Variants in RABGAP1 observed in about 807,000 individuals in gnomAD.
RABGAP1 encodes the protein rab GTPase-activating protein 1.
In RABGAP1, 23 loss-of-function variants were observed where a neutral mutation model predicts 137.6. That is an observed-to-expected ratio of 0.17 (90% confidence interval 0.12 to 0.24). The LOEUF (loss-of-function observed/expected upper bound fraction) is 0.24, where lower values mean the gene tolerates loss of function less well. RABGAP1 is among the 10% of genes least tolerant of loss of function. RABGAP1 has a pLI of 1.00. For synonymous variants in RABGAP1, 451 were observed against 450.7 expected (o/e 1.00, Z -0.01); for missense variants, 906 against 1,275.8 (o/e 0.71, Z 4.42).
intron 10 of RABGAP1, among the ~76,000 whole-genome samples, chr9:122,999,621 A>G (rs1837219022): frequency 1.3e-5 from 2 of 152,000 alleles, no homozygotes; most frequent in South Asian, 2.1e-4. Flanking sequence ...TAACTGTGAC[A>G]TGATTAGGTA....
At chr9:123,018,070 T>G (rs932011063) in intron 12 of RABGAP1, among the ~76,000 whole-genome samples, 24 of 152,192 alleles carry the variant, frequency 1.6e-4, no homozygotes. Flanking sequence ...CTCGGCTCAC[T>G]GCAGGCTCTG....
chr9:123,026,005 C>CTTTTTTTTTTTTTTTTTTTTTTTTTTTT (rs59188440), intron 13 of RABGAP1, among the ~76,000 whole-genome samples: 1 of 117,200 alleles, frequency 8.5e-6, no homozygotes, highest in African/African-American at 3.0e-5. Flanking sequence ...AAAACATATT[C>CTTTTTTTTTTTTTTTTTTTTTTTTTTTT]TTTTTTTTTT....
intron 19 of RABGAP1, among the ~76,000 whole-genome samples, chr9:123,089,364 G>A (rs1394296300): frequency 6.6e-6 from 1 of 152,162 alleles, no homozygotes; most frequent in Non-Finnish European, 1.5e-5. Flanking sequence ...AGATGAGGAT[G>A]AGAATAGCAC....
chr9:122,993,434 G>T (rs1185102893), intron 6 of RABGAP1, among the ~76,000 whole-genome samples: 3 of 152,062 alleles, frequency 2.0e-5, no homozygotes, highest in African/African-American at 7.2e-5. Flanking sequence ...GCCACGCCTG[G>T]CTACTTTTTG....
intron 13 of RABGAP1, among the ~76,000 whole-genome samples, chr9:123,059,307 C>T (rs1196018135): frequency 2.0e-5 from 3 of 152,122 alleles, no homozygotes; most frequent in African/African-American, 7.2e-5. Flanking sequence ...GTAATCCCAG[C>T]ACTTTGGGAG....
rs201202332 is a variant in RABGAP1, at chr9:123,015,200, CAT to C, written c.1550-338_1550-337del. Among the ~76,000 whole-genome samples, 443 of 150,870 alleles carry C rather than the reference CAT, an allele frequency of 2.9e-3. 2 individuals carry two copies. Among genetic ancestry groups the C allele is most frequent in the African/African-American group, 0.01 (419 of 41,108 alleles). On this transcript the variant is annotated intron_variant, in intron 11 of 25. Coordinates refer to ENST00000373647, the MANE Select transcript of RABGAP1 (RefSeq NM_012197.4). ...AATTTTTTAAGTGTTTTAAATAAGACATATATTTTCATGCATAAAGCTGTTTG... is the reference window on the plus strand; with the variant it reads ...AATTTTTTAAGTGTTTTAAATAAGACATATTTTCATGCATAAAGCTGTTTG...
At chr9:123,083,003 A>T (rs1290156419) in intron 19 of RABGAP1, among the ~76,000 whole-genome samples, 2 of 152,248 alleles carry the variant, frequency 1.3e-5, no homozygotes, top group Non-Finnish European at 2.9e-5. Context: ...ATGGATTCGC[A>T]GAATCATACA....
At chr9:122,972,354 T>C (rs1354846079) in intron 2 of RABGAP1, among the ~76,000 whole-genome samples, 1 of 152,220 alleles carries the variant, frequency 6.6e-6, no homozygotes, top group Non-Finnish European at 1.5e-5. Flanking sequence ...ATTTTGTGGA[T>C]TGACTGGTTG....
At chr9:122,936,740 T>C (rs574588260), upstream of RABGAP1, among the ~76,000 whole-genome samples, 1 of 152,344 alleles carries the variant, frequency 6.6e-6, no homozygotes, top group South Asian at 2.1e-4. Flanking sequence ...TTTAAAAGAA[T>C]AGCACCTGTT....
At chr9:123,068,435 C>G (rs1481772269) in intron 14 of RABGAP1, among the ~76,000 whole-genome samples, 1 of 151,884 alleles carries the variant, frequency 6.6e-6, no homozygotes, top group Non-Finnish European at 1.5e-5. Context: ...TCTAAAGCCT[C>G]TGTTCTTTTG....
At chr9:122,978,509 C>T (rs542113893) in intron 2 of RABGAP1, among the ~76,000 whole-genome samples, 1 of 152,194 alleles carries the variant, frequency 6.6e-6, no homozygotes, top group East Asian at 1.9e-4. Context: ...GTGGCTCATT[C>T]CTGTAATCTC....
rs184298716 is a variant in RABGAP1 at position 123,000,706 on chromosome 9, G to A, written c.1374+1940G>A. Among the ~76,000 whole-genome samples the A allele has an allele frequency of 2.4e-3, 358 of 151,890 alleles. 4 individuals carry two copies. Among genetic ancestry groups the A allele is most frequent in the Non-Finnish European group, 3.8e-3 (257 of 67,976 alleles). On this transcript the variant is annotated intron_variant, in intron 10 of 25. Transcript: ENST00000373647. The stretch of plus-strand genomic sequence containing the variant: ...TTTTCTTTTTTAAAATATAGATGGG[G>A]ATTTGCCATGTTGTCCAGGCTGGTC...
At chr9:122,933,863 C>A in the RABGAP1 span, among the ~76,000 whole-genome samples, 3 of 151,894 alleles carry the variant, frequency 2.0e-5, no homozygotes, top group African/African-American at 7.3e-5. Context: ...GACCTCCCAC[C>A]TCGGCCTCCC....
intron 13 of RABGAP1, among the ~76,000 whole-genome samples, chr9:123,021,495 A>T (rs670466): frequency 0.98 from 148,714 of 152,206 alleles, 72,754 homozygotes; most frequent in East Asian, 1. Flanking sequence ...AATTTTTGTA[A>T]TTTTAGTAGA....
chr9:122,932,555 G>C, the RABGAP1 span, among the ~76,000 whole-genome samples: 1 of 151,050 alleles, frequency 6.6e-6, no homozygotes, highest in African/African-American at 2.4e-5. Context: ...TTGAGATGGA[G>C]TTTCGCTCTT....
chr9:122,957,344 T>A, intron 2 of RABGAP1, 135 bp downstream of exon 2: 1 of 691,026 alleles, frequency 1.4e-6, no homozygotes, highest in Non-Finnish European at 2.1e-6. Context: ...TAAAGAATTT[T>A]ATTTGCACTT....
chr9:123,088,708 A>G (rs755557470), intron 19 of RABGAP1, among the ~76,000 whole-genome samples: 5 of 152,180 alleles, frequency 3.3e-5, no homozygotes, highest in Non-Finnish European at 5.9e-5. Flanking sequence ...AGCCAGTTGC[A>G]TCTTGAAGGT....
intron 13 of RABGAP1, chr9:123,035,143 C>T: frequency 6.2e-7 from 1 of 1,613,886 alleles, no homozygotes; most frequent in Non-Finnish European, 8.5e-7. Context: ...CTACTTCACC[C>T]TGTTCATCGT....
At chr9:123,076,335 C>T (rs2034509168) in intron 18 of RABGAP1, 49 bp downstream of exon 18, 1 of 1,554,666 alleles carries the variant, frequency 6.4e-7, no homozygotes, top group African/African-American at 1.4e-5. Context: ...CTGCTCTGCA[C>T]TTGCAATACA....
Sources: allele counts gnomAD v4.1 joint callset (sites outside exome capture counted in the v4.1 genomes callset), GRCh38; gene constraint gnomAD v4.1.1; transcripts MANE v1.5; gene names NCBI Gene and HGNC (gene_info 2026-07-23, HGNC 2026-07-21).